The following SORCS3 variants were observed in gnomAD, a reference collection of about 807,000 sequenced individuals.
The protein encoded by SORCS3 is sortilin related VPS10 domain containing receptor 3.
A neutral mutation model predicts 146.3 loss-of-function variants in SORCS3; 57 were observed. The ratio of observed to expected loss-of-function variants is 0.39; its 90% CI spans 0.31 to 0.49. The LOEUF (loss-of-function observed/expected upper bound fraction) is 0.49. Among genes scored for constraint, SORCS3 ranks in the 20% least tolerant of loss-of-function variants. SORCS3 has a pLI of 0.92. For synonymous variants in SORCS3, 653 were observed against 618.5 expected (o/e 1.06, Z -0.83); for missense variants, 1,341 against 1,575.5 (o/e 0.85, Z 2.52).
At chr10:104,779,447 A>T (rs1449244562) in intron 1 of SORCS3, among the ~76,000 whole-genome samples, 2 of 152,210 alleles carry the variant, frequency 1.3e-5, no homozygotes, top group African/African-American at 4.8e-5. Flanking sequence ...AAGGCCAGGG[A>T]ATTTGCAGCA....
chr10:104,654,789 A>G (rs2015605479), intron 1 of SORCS3, among the ~76,000 whole-genome samples: 1 of 152,208 alleles, frequency 6.6e-6, no homozygotes. Flanking sequence ...AACATAAGAT[A>G]CCTCTGACTT....
chr10:105,000,088 T>A (rs2055052041), intron 4 of SORCS3, among the ~76,000 whole-genome samples: 1 of 146,742 alleles, frequency 6.8e-6, no homozygotes, highest in African/African-American at 2.6e-5. Context: ...AATGAATGAA[T>A]GAACAAAATA....
intron 3 of SORCS3, among the ~76,000 whole-genome samples, chr10:104,954,365 G>A (rs1160801671): frequency 6.6e-6 from 1 of 152,090 alleles, no homozygotes; most frequent in Non-Finnish European, 1.5e-5. Context: ...AAATATTGCT[G>A]GGATTTTATG....
intron 3 of SORCS3, among the ~76,000 whole-genome samples, chr10:104,931,695 G>A (rs6584642): frequency 0.11 from 17,098 of 152,246 alleles, 1,520 homozygotes; most frequent in African/African-American, 0.26. Context: ...CTGTAAGACA[G>A]GCCTGAGAAT....
chr10:104,918,826 G>A lies in SORCS3; in HGVS notation c.795+2894G>A, dbSNP rs148739174. Among the ~76,000 whole-genome samples, 1,129 of 152,280 alleles carry A rather than the reference G, an allele frequency of 7.4e-3. 15 individuals carry two copies. Among genetic ancestry groups the A allele is most frequent in the African/African-American group, 0.026 (1,067 of 41,558 alleles). ...TATCTGGGCCACAACAGAATTAATCGTATTTTCATGTAGATGATTGATAGG... is the reference window on the plus strand; with the variant it reads ...TATCTGGGCCACAACAGAATTAATCATATTTTCATGTAGATGATTGATAGG... On this transcript the variant is annotated intron_variant, in intron 3 of 26. Coordinates refer to ENST00000369701, the MANE Select transcript of SORCS3 (RefSeq NM_014978.3).
intron 3 of SORCS3, among the ~76,000 whole-genome samples, chr10:104,940,226 ATATATATATATATT>A (rs1417166462): frequency 5.8e-4 from 20 of 34,490 alleles, no homozygotes; most frequent in South Asian, 2.9e-3. Flanking sequence ...ATATATATAT[ATATATATATATATT>A]TTTTTTTTTT....
intron 2 of SORCS3, among the ~76,000 whole-genome samples, chr10:104,913,080 A>G (rs927267186): frequency 6.6e-6 from 1 of 152,198 alleles, no homozygotes; most frequent in Non-Finnish European, 1.5e-5. Context: ...GTGGCTGGGA[A>G]TGGGTCCAGA....
At chr10:105,204,551 A>T (rs938047293) in intron 16 of SORCS3, among the ~76,000 whole-genome samples, 3 of 151,940 alleles carry the variant, frequency 2.0e-5, no homozygotes, top group African/African-American at 7.2e-5. Context: ...ATTTTATAGA[A>T]TTTTTTTTGA....
intron 1 of SORCS3, among the ~76,000 whole-genome samples, chr10:104,751,909 A>T (rs2016988016): frequency 8.5e-6 from 1 of 117,896 alleles, no homozygotes; most frequent in African/African-American, 3.0e-5. Flanking sequence ...AAAAAATGTA[A>T]ATGCTAATAG....
chr10:105,176,658 A>G (rs1392692654), intron 13 of SORCS3, among the ~76,000 whole-genome samples: 1 of 152,092 alleles, frequency 6.6e-6, no homozygotes, highest in Admixed American at 6.5e-5. Flanking sequence ...GATCGAGACC[A>G]TCCTGTCTAA....
intron 5 of SORCS3, among the ~76,000 whole-genome samples, chr10:105,077,122 T>C (rs1260231591): frequency 6.6e-6 from 1 of 152,208 alleles, no homozygotes; most frequent in Non-Finnish European, 1.5e-5. Flanking sequence ...TTAGACCATA[T>C]AGTTTTCCAC....
At chr10:104,930,204 G>A (rs575264527) in intron 3 of SORCS3, among the ~76,000 whole-genome samples, 203 of 152,274 alleles carry the variant, frequency 1.3e-3, no homozygotes, top group African/African-American at 4.7e-3. Flanking sequence ...AAGGTATAAG[G>A]TAAATACTGT....
At chr10:104,871,405 A>C (rs1239622064) in intron 2 of SORCS3, among the ~76,000 whole-genome samples, 5 of 152,208 alleles carry the variant, frequency 3.3e-5, no homozygotes, top group Admixed American at 2.0e-4. Flanking sequence ...TCAGTGGTGC[A>C]GTGTCCTTTT....
chr10:105,139,930 T>A (rs2056083921), intron 8 of SORCS3, among the ~76,000 whole-genome samples: 1 of 152,176 alleles, frequency 6.6e-6, no homozygotes, highest in Non-Finnish European at 1.5e-5. Flanking sequence ...GTATTGCCTA[T>A]GTTTCTACTC....
chr10:105,117,018 T>A (rs2055898546), intron 7 of SORCS3, among the ~76,000 whole-genome samples: 1 of 152,008 alleles, frequency 6.6e-6, no homozygotes, highest in African/African-American at 2.4e-5. Context: ...AACCTGTGCA[T>A]GTACCCTGAA....
chr10:104,983,812 C>T (rs1251159830), intron 4 of SORCS3, among the ~76,000 whole-genome samples: 2 of 152,020 alleles, frequency 1.3e-5, no homozygotes, highest in Admixed American at 6.6e-5. Context: ...GGCCAGGCCA[C>T]TTATGCTCCC....
intron 14 of SORCS3, among the ~76,000 whole-genome samples, chr10:105,199,109 G>A (rs919765950): frequency 1.3e-5 from 2 of 152,102 alleles, no homozygotes; most frequent in African/African-American, 4.8e-5. Flanking sequence ...CCAATTCCTT[G>A]AAAGACCTCA....
At chr10:104,843,511 G>T (rs183515039) in intron 2 of SORCS3, among the ~76,000 whole-genome samples, 1 of 152,098 alleles carries the variant, frequency 6.6e-6, no homozygotes, top group Non-Finnish European at 1.5e-5. Context: ...AACACTTTTG[G>T]GGCCTCTAAG....
chr10:104,843,350 C>G (rs2018165537), intron 2 of SORCS3, among the ~76,000 whole-genome samples: 1 of 152,110 alleles, frequency 6.6e-6, no homozygotes, highest in African/African-American at 2.4e-5. Flanking sequence ...TGTTCTGATC[C>G]CCAGGCAATT....
Sources: gnomAD v4.1 joint callset for allele counts (sites outside exome capture counted in the v4.1 genomes callset) on GRCh38, gnomAD v4.1.1 for gene constraint, MANE v1.5 for transcripts, NCBI Gene and HGNC (gene_info 2026-07-23, HGNC 2026-07-21) for gene names.